MSRA: variants seen among roughly 807,000 people sequenced by gnomAD.
MSRA encodes the protein mitochondrial peptide methionine sulfoxide reductase.
MSRA carries 54 observed loss-of-function variants against 31.3 expected under a neutral mutation model. That is an observed-to-expected ratio of 1.73 (90% CI 1.39 to 2.17). The LOEUF is 2.17. Ranked by LOEUF, MSRA falls within the 30% of genes most tolerant of loss-of-function variation. MSRA has a pLI of 0.00. For synonymous variants in MSRA, 169 were observed against 116.5 expected (o/e 1.45, Z -2.90); for missense variants, 507 against 300.9 (o/e 1.69, Z -5.07).
At chr8:10,179,348 C>CT (rs1240764010) in intron 1 of MSRA, among the ~76,000 whole-genome samples, 1 of 152,142 alleles carries the variant, frequency 6.6e-6, no homozygotes. Context: ...GGACTTTGGG[C>CT]TGTAAGGGTT....
intron 1 of MSRA, among the ~76,000 whole-genome samples, chr8:10,057,047 C>T (rs1461102341): frequency 6.6e-6 from 1 of 152,222 alleles, no homozygotes; most frequent in Non-Finnish European, 1.5e-5. Context: ...CTTTTACACA[C>T]TGTGACCAAG....
intron 5 of MSRA, among the ~76,000 whole-genome samples, chr8:10,421,826 C>T (rs1193393202): frequency 1.3e-5 from 2 of 152,132 alleles, no homozygotes; most frequent in African/African-American, 4.8e-5. Context: ...ACATGCCTAC[C>T]CGCCTTCCTG....
chr8:10,159,010 C>T (rs1804409041), intron 1 of MSRA, among the ~76,000 whole-genome samples: 1 of 152,136 alleles, frequency 6.6e-6, no homozygotes, highest in Non-Finnish European at 1.5e-5. Flanking sequence ...GGCATGATCT[C>T]ATTTAGATTT....
chr8:10,211,458 G>A (rs1003357849), intron 2 of MSRA, among the ~76,000 whole-genome samples: 4 of 152,108 alleles, frequency 2.6e-5, no homozygotes, highest in Admixed American at 6.5e-5. Flanking sequence ...TCCTCCTTGG[G>A]GGCTTCTCCT....
intron 1 of MSRA, among the ~76,000 whole-genome samples, chr8:10,172,377 T>A (rs1439907590): frequency 6.6e-6 from 1 of 152,060 alleles, no homozygotes; most frequent in African/African-American, 2.4e-5. Flanking sequence ...ACATGGCTCC[T>A]GGGCTTCATT....
chr8:10,192,727 A>G (rs1289096037), intron 1 of MSRA, among the ~76,000 whole-genome samples: 2 of 152,242 alleles, frequency 1.3e-5, no homozygotes, highest in African/African-American at 4.8e-5. Flanking sequence ...GTTATAGGGT[A>G]GAAATTAGAA....
intron 1 of MSRA, among the ~76,000 whole-genome samples, chr8:10,175,323 C>G (rs543674669): frequency 2.0e-5 from 3 of 152,142 alleles, no homozygotes; most frequent in African/African-American, 4.8e-5. Context: ...TCAGTGTTCC[C>G]TTTTTGAAGT....
At chr8:10,229,314 A>G (rs955093352) in intron 2 of MSRA, among the ~76,000 whole-genome samples, 2 of 152,260 alleles carry the variant, frequency 1.3e-5, no homozygotes, top group African/African-American at 4.8e-5. Flanking sequence ...AGTAGCCATT[A>G]GAGAGGGATC....
intron 1 of MSRA, among the ~76,000 whole-genome samples, chr8:10,092,192 T>C (rs1216570600): frequency 2.6e-5 from 4 of 152,206 alleles, no homozygotes; most frequent in Non-Finnish European, 4.4e-5. Flanking sequence ...AGGAGTGTTA[T>C]TTAATTTCCA....
At chr8:10,417,635 T>A (rs1425055553) in intron 5 of MSRA, among the ~76,000 whole-genome samples, 1 of 151,750 alleles carries the variant, frequency 6.6e-6, no homozygotes, top group African/African-American at 2.4e-5. Flanking sequence ...TTAAAAGCCA[T>A]CCCAGTCATT....
intron 5 of MSRA, among the ~76,000 whole-genome samples, chr8:10,379,566 C>G (rs1273353618): frequency 1.3e-5 from 2 of 152,212 alleles, no homozygotes; most frequent in African/African-American, 4.8e-5. Flanking sequence ...CTCATGCCCC[C>G]TCCGCCTTCC....
At chr8:10,231,188 G>A (rs915299580) in intron 2 of MSRA, among the ~76,000 whole-genome samples, 1 of 151,972 alleles carries the variant, frequency 6.6e-6, no homozygotes, top group African/African-American at 2.4e-5. Flanking sequence ...GCTGAGGCGG[G>A]CGGACAGGGA....
intron 1 of MSRA, among the ~76,000 whole-genome samples, chr8:10,160,127 G>A (rs1271555416): frequency 6.6e-6 from 1 of 152,156 alleles, no homozygotes; most frequent in Non-Finnish European, 1.5e-5. Context: ...TTTCCCTCGG[G>A]CCACTTAATT....
intron 1 of MSRA, among the ~76,000 whole-genome samples, chr8:10,062,819 T>C (rs1419683280): frequency 6.6e-6 from 1 of 152,180 alleles, no homozygotes; most frequent in Non-Finnish European, 1.5e-5. Flanking sequence ...GAGTGGATCG[T>C]GTGATAGGAG....
At chr8:10,070,334 G>T (rs1230779176) in intron 1 of MSRA, among the ~76,000 whole-genome samples, 1 of 152,168 alleles carries the variant, frequency 6.6e-6, no homozygotes, top group Admixed American at 6.5e-5. Context: ...TGATGAAATG[G>T]GTTACAAAGT....
At chr8:10,331,710 A>ATCTGAT (rs1236531799) in intron 5 of MSRA, among the ~76,000 whole-genome samples, 1 of 152,212 alleles carries the variant, frequency 6.6e-6, no homozygotes, top group Non-Finnish European at 1.5e-5. Flanking sequence ...AGATACCAAA[A>ATCTGAT]TCTGATGATG....
intron 5 of MSRA, among the ~76,000 whole-genome samples, chr8:10,357,226 C>T (rs1390312643): frequency 6.6e-6 from 1 of 152,202 alleles, no homozygotes; most frequent in Non-Finnish European, 1.5e-5. Flanking sequence ...CGTATTATTT[C>T]AACTCTATGA....
chr8:10,422,747 C>A (rs985886180), intron 5 of MSRA, among the ~76,000 whole-genome samples: 1 of 152,154 alleles, frequency 6.6e-6, no homozygotes, highest in Non-Finnish European at 1.5e-5. Flanking sequence ...GGGTACCTGG[C>A]CCCACAGGCT....
At position 10,227,637 on chromosome 8, in the gene MSRA, C is replaced by T. The variant is rs139154387; in HGVS notation, c.212-17467C>T. On this transcript the variant is annotated intron_variant, in intron 2 of 5. Coordinates refer to ENST00000317173, the MANE Select transcript of MSRA (RefSeq NM_012331.5). Reference sequence around the variant, plus strand: ...ACCTGGAGCTGCATTAATCACAGTGCAGAGGTACAGTGGAGTGTACACGTG... The same window carrying T: ...ACCTGGAGCTGCATTAATCACAGTGTAGAGGTACAGTGGAGTGTACACGTG... Among the ~76,000 whole-genome samples, 445 of 152,242 alleles carry T rather than the reference C, an allele frequency of 2.9e-3. 2 individuals are homozygous for T. The highest frequency in any genetic ancestry group is 0.01 in the African/African-American group (424 of 41,530).
Sources: gnomAD v4.1 joint callset for allele counts (sites outside exome capture counted in the v4.1 genomes callset) on GRCh38, gnomAD v4.1.1 for gene constraint, MANE v1.5 for transcripts, NCBI Gene and HGNC (gene_info 2026-07-23, HGNC 2026-07-21) for gene names.